STARD13: variants seen among roughly 807,000 people sequenced by gnomAD.
The protein encoded by STARD13 is StAR related lipid transfer domain containing 13.
Under a neutral mutation model 106.4 loss-of-function variants are expected in STARD13, and 62 were observed. That is an observed-to-expected ratio of 0.58 (90% CI 0.48 to 0.72). STARD13 has a LOEUF of 0.72. STARD13 is among the 30% of genes least tolerant of loss of function. The pLI is 0.00. For synonymous variants in STARD13, 565 were observed against 553.0 expected (o/e 1.02, Z -0.31); for missense variants, 1,387 against 1,424.0 (o/e 0.97, Z 0.42).
At chr13:33,400,373 T>G in the STARD13 span, among the ~76,000 whole-genome samples, 6 of 152,360 alleles carry the variant, frequency 3.9e-5, no homozygotes, top group Admixed American at 3.9e-4. Flanking sequence ...TATCCATTTA[T>G]ACTTTGATGG....
chr13:33,668,180 C>G, the STARD13 span, among the ~76,000 whole-genome samples: 1 of 152,116 alleles, frequency 6.6e-6, no homozygotes, highest in East Asian at 1.9e-4. Flanking sequence ...AAATTTAATT[C>G]GGCTGAAGTT....
the STARD13 span, among the ~76,000 whole-genome samples, chr13:33,673,862 T>C: frequency 2.0e-5 from 3 of 151,416 alleles, no homozygotes; most frequent in Admixed American, 1.3e-4. Context: ...TTTTACTCTT[T>C]TTTTTTTTCT....
At chr13:33,445,874 G>A in the STARD13 span, among the ~76,000 whole-genome samples, 1 of 152,020 alleles carries the variant, frequency 6.6e-6, no homozygotes, top group African/African-American at 2.4e-5. Flanking sequence ...TATTCATGAG[G>A]GATCTGCCTC....
At chr13:33,508,457 C>T in the STARD13 span, among the ~76,000 whole-genome samples, 1 of 152,162 alleles carries the variant, frequency 6.6e-6, no homozygotes, top group Non-Finnish European at 1.5e-5. Flanking sequence ...AACCAACATG[C>T]TTGAAGACAA....
At chr13:33,629,009 G>C in the STARD13 span, among the ~76,000 whole-genome samples, 14 of 152,196 alleles carry the variant, frequency 9.2e-5, no homozygotes, top group African/African-American at 3.4e-4. Context: ...TTCAAAAGAG[G>C]GTCGCCAGCA....
chr13:33,397,401 T>G, the STARD13 span, among the ~76,000 whole-genome samples: 5 of 152,214 alleles, frequency 3.3e-5, no homozygotes, highest in African/African-American at 1.2e-4. Context: ...AGTATTGCTC[T>G]GTAGGAATTG....
chr13:33,111,838 C>T lies in STARD13; in HGVS notation c.2547G>A (p.Glu849=), dbSNP rs1207837856. 1 of 1,614,180 alleles carries T rather than the reference C, an allele frequency of 6.2e-7. No homozygotes were observed. The highest frequency in any genetic ancestry group is 1.1e-5 in the South Asian group (1 of 91,072). The change falls in exon 10 of 14, where the codon GAG becomes GAA. Residue 849 remains glutamate (E), a synonymous_variant. Coordinates refer to ENST00000336934, the MANE Select transcript of STARD13 (RefSeq NM_178006.4). ...CTAGCCCCTGAGCTGCTGCCAGATTCTCGTTGAGGTCCTTTTGATCTGGCT... is the reference window on the plus strand; with the variant it reads ...CTAGCCCCTGAGCTGCTGCCAGATTTTCGTTGAGGTCCTTTTGATCTGGCT... ...TGKPDQKDLN[E]NLAAAQGLAH...
chr13:33,665,536 G>A, the STARD13 span, among the ~76,000 whole-genome samples: 1 of 152,272 alleles, frequency 6.6e-6, no homozygotes, highest in African/African-American at 2.4e-5. Flanking sequence ...TCTTTCACCA[G>A]CTCCCTTCTC....
the STARD13 span, among the ~76,000 whole-genome samples, chr13:33,595,463 T>C: frequency 6.6e-6 from 1 of 152,150 alleles, no homozygotes; most frequent in East Asian, 1.9e-4. Flanking sequence ...CTTAAATGCT[T>C]TTTTAAAAGA....
chr13:33,532,259 T>C, the STARD13 span, among the ~76,000 whole-genome samples: 1 of 152,216 alleles, frequency 6.6e-6, no homozygotes. Context: ...TGTTACCTTA[T>C]TTTCTTTTAG....
the STARD13 span, among the ~76,000 whole-genome samples, chr13:33,356,202 TCATCTTGA>T: frequency 6.6e-6 from 1 of 152,232 alleles, no homozygotes; most frequent in Non-Finnish European, 1.5e-5. Context: ...GTGATTGAAA[TCATCTTGA>T]CATCACTTGT....
intron 1 of STARD13, among the ~76,000 whole-genome samples, chr13:33,327,366 A>G (rs2077787960): frequency 6.6e-6 from 1 of 151,962 alleles, no homozygotes; most frequent in African/African-American, 2.4e-5. Flanking sequence ...TTGCATTTAT[A>G]TTTACTTTTT....
chr13:33,114,990 A>T (rs1875155607), intron 8 of STARD13, among the ~76,000 whole-genome samples: 1 of 152,020 alleles, frequency 6.6e-6, no homozygotes. Context: ...CTAAGTGTGG[A>T]TAATTTGCAA....
chr13:33,111,845 A>C lies in STARD13; in HGVS notation c.2540T>G (p.Leu847Arg). The C allele has an allele frequency of 6.2e-7, 1 of 1,614,094 alleles. No homozygotes were observed. Among genetic ancestry groups the C allele is most frequent in the Non-Finnish European group, 8.5e-7 (1 of 1,179,998 alleles). Reference protein sequence around the residue: ...YATGKPDQKDLNENLAAAQGL... With the variant: ...YATGKPDQKDRNENLAAAQGL... ...CTGAGCTGCTGCCAGATTCTCGTTGAGGTCCTTTTGATCTGGCTTCCCAGT... is the reference window on the plus strand; with the variant it reads ...CTGAGCTGCTGCCAGATTCTCGTTGCGGTCCTTTTGATCTGGCTTCCCAGT... Residue 847 changes from leucine to arginine, a missense_variant, in exon 10 of 14, where the codon CTC (leucine) becomes CGC (arginine). Coordinates refer to ENST00000336934, the MANE Select transcript of STARD13 (RefSeq NM_178006.4).
chr13:33,366,816 G>A, the STARD13 span, among the ~76,000 whole-genome samples: 2 of 152,302 alleles, frequency 1.3e-5, no homozygotes, highest in African/African-American at 4.8e-5. The surrounding 1 kb of genome is among the most constrained non-coding windows in gnomAD (Gnocchi z 4.2). Context: ...ACAGTCCTAC[G>A]AGTTTCATAA....
the STARD13 span, among the ~76,000 whole-genome samples, chr13:33,499,540 C>T: frequency 1.2e-4 from 6 of 49,054 alleles, no homozygotes; most frequent in African/African-American, 1.5e-4. Flanking sequence ...TCTTCTTCTT[C>T]TTCTTCTTCT....
chr13:33,397,452 T>C, the STARD13 span, among the ~76,000 whole-genome samples: 1 of 152,226 alleles, frequency 6.6e-6, no homozygotes, highest in Non-Finnish European at 1.5e-5. Context: ...CTGTGGCTTC[T>C]GCTGTTGCCA....
chr13:33,354,729 CATT>C (rs1225720876), upstream of STARD13, among the ~76,000 whole-genome samples: 3 of 151,998 alleles, frequency 2.0e-5, no homozygotes, highest in Non-Finnish European at 4.4e-5. Context: ...GCTTCATTCT[CATT>C]AATTATCACT....
the STARD13 span, among the ~76,000 whole-genome samples, chr13:33,631,624 G>T: frequency 6.6e-6 from 1 of 152,092 alleles, no homozygotes; most frequent in African/African-American, 2.4e-5. Flanking sequence ...TAGAAGATTT[G>T]TGTTTGTTTA....
Sources: gnomAD v4.1 joint callset for allele counts (sites outside exome capture counted in the v4.1 genomes callset) on GRCh38, gnomAD v4.1.1 for gene constraint, Gnocchi (gnomAD v3.1) non-coding constraint, MANE v1.5 for transcripts, NCBI Gene and HGNC (gene_info 2026-07-23, HGNC 2026-07-21) for gene names.